MAPK15: variants seen among roughly 807,000 people sequenced by gnomAD.
MAPK15 encodes the protein ERK-7.
A neutral mutation model predicts 60.8 loss-of-function variants in MAPK15; 61 were observed. The ratio of observed to expected loss-of-function variants is 1.00; its 90% CI spans 0.82 to 1.24. The LOEUF is 1.24. MAPK15 is among the 50% of genes most tolerant of loss of function. The pLI, the probability that MAPK15 is intolerant of heterozygous loss-of-function variation, is 0.00. For synonymous variants in MAPK15, 356 were observed against 319.9 expected, an observed-to-expected ratio of 1.11 and a Z score of -1.21; for missense variants, 808 against 741.1, an observed-to-expected ratio of 1.09 and a Z score of -1.05.
chr8:143,719,094 C>T lies in MAPK15; in HGVS notation c.519C>T (p.Ala173=), dbSNP rs140038594. 378 of 1,568,052 alleles carry T rather than the reference C, an allele frequency of 2.4e-4. 4 individuals are homozygous for T. In the African/African-American group the frequency reaches 2.9e-3, roughly 12 times the overall value. The stretch of plus-strand genomic sequence containing the variant: ...TCCCCGAGGGGCCTGAGGACCAGGC[C>T]GTGACAGAGTACGTGGCCACACGCT... ...GDLPEGPEDQ[A]VTEYVATRWY... is the part of the protein sequence containing the mutation. The change falls in exon 6 of 14, where the codon GCC becomes GCT. Residue 173 remains alanine (A), a synonymous_variant. Transcript: ENST00000338033.
chr8:143,718,726 T>TTTCCCCCCCCCCCCCCC, intron 4 of MAPK15, 49 bp from the exon 5 acceptor site: 1 of 417,842 alleles, frequency 2.4e-6, no homozygotes, highest in Non-Finnish European at 4.5e-6. Context: ...CCCCCCAGGT[T>TTTCCCCCCCCCCCCCCC]GCCCCCCCAG....
chr8:143,717,544 C>T (rs1336677755), intron 1 of MAPK15, 150 bp from the exon 2 acceptor site: 1 of 667,168 alleles, frequency 1.5e-6, no homozygotes, highest in African/African-American at 1.8e-5. Context: ...ATGTCGGAGT[C>T]TAGGGCAGCC....
rs1817939541 is a variant in MAPK15, at chr8:143,719,147, C to G, written c.572C>G (p.Ser191Cys). The G allele has an allele frequency of 6.5e-7, 1 of 1,544,784 alleles. No individual in the cohort carries two copies. The change falls in exon 6 of 14, where the codon TCT becomes TGT. Residue 191 changes from serine to cysteine, a missense_variant. Transcript: ENST00000338033. ...RWYRAPEVLL[S>C]SHRYTLGVDM... is the part of the protein sequence containing the mutation. ...TACCGAGCACCGGAGGTGCTGCTCT[C>G]TTCGCACCGGTAATAGCGAGACATC...
Position 143,720,145 on chromosome 8 carries a change from C to T in MAPK15, c.722-85C>T. On this transcript the variant is annotated intron_variant, in intron 7 of 13. Transcript: ENST00000338033. This position sits in a 1 kb window ranked among gnomAD's most constrained non-coding sequence, Gnocchi z 4.6. ...TGTAGAGAGGCTGTGCTCCCTGGGG[C>T]TGGAAGAGATGACTGGCCCCAGATG... is the stretch of plus-strand genomic sequence containing the variant. 2.0e-6 allele frequency: 3 copies of T among 1,524,478 alleles called. No individual in the cohort carries two copies. 94.4% of individuals were successfully genotyped at this position (1,524,478 alleles called of 1,614,324 possible).
intron 2 of MAPK15, 81 bp downstream of exon 2, chr8:143,717,873 G>C: frequency 2.6e-6 from 4 of 1,509,470 alleles, no homozygotes; most frequent in Non-Finnish European, 3.7e-6. Flanking sequence ...AAGCTCAGGT[G>C]GGAGCTGGAG....
rs1817998527 is a variant in MAPK15, at chr8:143,720,348, C to T, written c.779+61C>T. On this transcript the variant is annotated intron_variant, in intron 8 of 13. Coordinates refer to ENST00000338033, the MANE Select transcript of MAPK15 (RefSeq NM_139021.3). The surrounding 1 kb of genome is among the most constrained non-coding windows in gnomAD (Gnocchi z 4.6). ...GCCTATCTCAAGGGAGCAGGGCCAC[C>T]TTCCTGCAAGTTTACTGGGGCCAGT... 1 of 1,488,296 alleles carries T rather than the reference C, an allele frequency of 6.7e-7. No individual in the cohort carries two copies. The highest frequency in any genetic ancestry group is 9.0e-7 in the Non-Finnish European group (1 of 1,115,888). 92.2% of individuals were successfully genotyped at this position (1,488,296 alleles called of 1,614,324 possible). A position where few individuals can be genotyped will look rare whatever the true frequency, so the allele number is the denominator to read the frequency against.
In MAPK15 at chr8:143,717,724, C is replaced by T. The variant is rs782266146; in HGVS notation, c.97C>T (p.Arg33Trp). ...TGGCATTGTGTGGAAGGCAGTGGAC[C>T]GGAGGACTGGTGAGGTCGTGGCCAT... Reference protein sequence around the residue: ...AYGIVWKAVDRRTGEVVAIKK... With the variant: ...AYGIVWKAVDWRTGEVVAIKK... The change falls in exon 2 of 14, where the codon CGG (arginine) becomes TGG (tryptophan). Residue 33 changes from arginine (R) to tryptophan (W), a missense_variant. Arg to Trp is a moderately radical substitution (Grantham distance 101, BLOSUM62 -3). Transcript: ENST00000338033. 53 of 1,611,228 alleles carry T rather than the reference C, an allele frequency of 3.3e-5. 1 individual carries two copies. Among genetic ancestry groups the T allele is most frequent in the South Asian group, 3.2e-4 (29 of 90,200 alleles).
chr8:143,720,515 C>T lies in MAPK15; in HGVS notation c.780-188C>T. On this transcript the variant is annotated intron_variant, in intron 8 of 13. Transcript: ENST00000338033. The surrounding 1 kb of genome is among the most constrained non-coding windows in gnomAD (Gnocchi z 4.6). ...GTGCCAGGGCGTGGAGAGGAGGGCACCAGGGGGCCGCAGGGGTCTCTCCAC... is the reference window on the plus strand; with the variant it reads ...GTGCCAGGGCGTGGAGAGGAGGGCATCAGGGGGCCGCAGGGGTCTCTCCAC... 6.9e-7 allele frequency: 1 copy of T among 1,453,416 alleles called. No homozygotes were observed. Among genetic ancestry groups the T allele is most frequent in the Non-Finnish European group, 9.1e-7 (1 of 1,100,410 alleles). 90.0% of individuals were successfully genotyped at this position (1,453,416 alleles called of 1,614,324 possible). A position where few individuals can be genotyped will look rare whatever the true frequency, so the allele number is the denominator to read the frequency against.
At chr8:143,718,116 G>T in intron 3 of MAPK15, 40 bp downstream of exon 3, 1 of 1,613,986 alleles carries the variant, frequency 6.2e-7, no homozygotes, top group Non-Finnish European at 8.5e-7. Flanking sequence ...CCCTTGCCCA[G>T]GTACAGATCT....
intron 2 of MAPK15, 88 bp from the exon 3 acceptor site, chr8:143,717,959 G>A: frequency 6.3e-7 from 1 of 1,582,106 alleles, no homozygotes; most frequent in South Asian, 1.1e-5. Context: ...GGTATTGGGT[G>A]ACAGACATCA....
chr8:143,721,185 C>G (rs1554619712), intron 10 of MAPK15, 46 bp from the exon 11 acceptor site: 1 of 1,595,028 alleles, frequency 6.3e-7, no homozygotes, highest in Non-Finnish European at 8.6e-7. Flanking sequence ...CCCCCAAACG[C>G]CCCATGCCCA....
At chr8:143,717,446 G>A (rs1482839402) in intron 1 of MAPK15, among the ~76,000 whole-genome samples, 1 of 152,142 alleles carries the variant, frequency 6.6e-6, no homozygotes, top group Non-Finnish European at 1.5e-5. Flanking sequence ...TTCATTTCCT[G>A]CCCAGACGCT....
Position 143,721,108 on chromosome 8 carries a change from G to C in MAPK15, c.1023+3G>C. ...AGTACCGCAGCCGCGTCTATCAGGT[G>C]CTCCGGCTCTCGACCCCTATCATCC... On this transcript the variant is annotated splice_donor_region_variant and intron_variant, in intron 10 of 13. Coordinates refer to ENST00000338033, the MANE Select transcript of MAPK15 (RefSeq NM_139021.3). The C allele has an allele frequency of 6.2e-7, 1 of 1,609,676 alleles. No individual in the cohort carries two copies. Among genetic ancestry groups the C allele is most frequent in the Non-Finnish European group, 8.5e-7 (1 of 1,177,942 alleles).
chr8:143,721,211 G>A lies in MAPK15; in HGVS notation c.1024-20G>A. The A allele has an allele frequency of 1.2e-6, 2 of 1,601,122 alleles. No individual in the cohort carries two copies. Among genetic ancestry groups the A allele is most frequent in the Non-Finnish European group, 8.5e-7 (1 of 1,173,232 alleles). ...CCCATGCCCAGGCTGTGACCTCTGA[G>A]CACCCTTCCCCTCCCGCAGATGATC... On this transcript the variant is annotated intron_variant, in intron 10 of 13. Coordinates refer to ENST00000338033, the MANE Select transcript of MAPK15 (RefSeq NM_139021.3).
chr8:143,718,124 T>A, intron 3 of MAPK15, 48 bp downstream of exon 3: 1 of 1,613,814 alleles, frequency 6.2e-7, no homozygotes, highest in South Asian at 1.1e-5. Context: ...CAGGTACAGA[T>A]CTCTCCAGAC....
At position 143,719,502 on chromosome 8, in the gene MAPK15, C is replaced by T; in HGVS notation, c.721+20C>T. 1 of 1,604,510 alleles carries T rather than the reference C, an allele frequency of 6.2e-7. No individual in the cohort carries two copies. Among genetic ancestry groups the T allele is most frequent in the Non-Finnish European group, 8.5e-7 (1 of 1,177,184 alleles). On this transcript the variant is annotated intron_variant, in intron 7 of 13. Transcript: ENST00000338033. ...AGGAGGGTGAGCCAGGCTGCTGGGG[C>T]TGGGCACCGGGAATGCTGCAGGTCA...
At chr8:143,721,134 C>T (rs1334686872) in intron 10 of MAPK15, 29 bp downstream of exon 10, 6 of 1,604,752 alleles carry the variant, frequency 3.7e-6, no homozygotes, top group Non-Finnish European at 5.1e-6. Context: ...CCTATCATCC[C>T]CTGTCTACTG....
chr8:143,718,934 C>T (rs782530200), intron 5 of MAPK15, 29 bp downstream of exon 5: 11 of 1,597,814 alleles, frequency 6.9e-6, no homozygotes, highest in East Asian at 4.5e-5. Context: ...CGCTATGCCA[C>T]GTGGCCCGGC....
intron 4 of MAPK15, 197 bp downstream of exon 4, chr8:143,718,499 C>T: frequency 1.5e-6 from 1 of 646,202 alleles, no homozygotes; most frequent in Admixed American, 2.6e-5. Flanking sequence ...CCCCTTTCGT[C>T]CCACCTGCCC....
Sources: gnomAD v4.1 joint callset for allele counts (sites outside exome capture counted in the v4.1 genomes callset) on GRCh38, gnomAD v4.1.1 for gene constraint, Gnocchi (gnomAD v3.1) non-coding constraint, MANE v1.5 for transcripts, NCBI Gene and HGNC (gene_info 2026-07-23, HGNC 2026-07-21) for gene names.